The following PTPRD variants were observed in gnomAD, a reference collection of about 807,000 sequenced individuals.
PTPRD encodes the protein receptor-type tyrosine-protein phosphatase delta.
In PTPRD, 34 loss-of-function variants were observed where a neutral mutation model predicts 214.5. That is an observed-to-expected ratio of 0.16 (90% CI 0.12 to 0.21). The LOEUF (loss-of-function observed/expected upper bound fraction) is 0.21. Ranked by LOEUF, PTPRD falls within the 10% of genes least tolerant of loss-of-function variation. The pLI is 1.00. For synonymous variants in PTPRD, 1,128 were observed against 845.7 expected (o/e 1.33, Z -5.79); for missense variants, 2,545 against 2,398.7 (o/e 1.06, Z -1.27).
At chr9:8,908,772 T>G (rs1275516235) in intron 11 of PTPRD, among the ~76,000 whole-genome samples, 1 of 151,254 alleles carries the variant, frequency 6.6e-6, no homozygotes, top group African/African-American at 2.4e-5. Flanking sequence ...AATATAAAAA[T>G]AATAAAGAAA....
chr9:9,332,582 A>G (rs1434509904), intron 9 of PTPRD, among the ~76,000 whole-genome samples: 2 of 151,722 alleles, frequency 1.3e-5, no homozygotes, highest in Non-Finnish European at 2.9e-5. Context: ...GTAAGAAAAA[A>G]AAAAAAAAAC....
intron 8 of PTPRD, among the ~76,000 whole-genome samples, chr9:9,498,233 G>C (rs2096272443): frequency 1.3e-5 from 2 of 152,124 alleles, no homozygotes; most frequent in African/African-American, 2.4e-5. Flanking sequence ...CATTCTGCAA[G>C]AGAAGTGATT....
At chr9:8,454,265 G>C (rs10739165) in intron 33 of PTPRD, among the ~76,000 whole-genome samples, 1 of 151,984 alleles carries the variant, frequency 6.6e-6, no homozygotes, top group Non-Finnish European at 1.5e-5. Flanking sequence ...CACCTCACAT[G>C]TCTGCTCTGT....
intron 9 of PTPRD, among the ~76,000 whole-genome samples, chr9:9,184,784 T>A (rs370776116): frequency 6.6e-6 from 1 of 151,972 alleles, no homozygotes; most frequent in Non-Finnish European, 1.5e-5. Context: ...ATACTTACCA[T>A]CCCTCTCTCT....
At chr9:10,520,806 C>A (rs1392416858) in intron 2 of PTPRD, among the ~76,000 whole-genome samples, 1 of 151,888 alleles carries the variant, frequency 6.6e-6, no homozygotes, top group Non-Finnish European at 1.5e-5. Context: ...AACAACAAAG[C>A]CTAGATGACA....
chr9:8,398,902 T>G (rs2091830756), intron 36 of PTPRD, among the ~76,000 whole-genome samples: 1 of 152,154 alleles, frequency 6.6e-6, no homozygotes, highest in African/African-American at 2.4e-5. Context: ...ACAAATGGAC[T>G]AAGACATGGA....
At chr9:8,351,742 T>TAAAAAAAAA (rs71317359) in intron 39 of PTPRD, among the ~76,000 whole-genome samples, 3 of 68,514 alleles carry the variant, frequency 4.4e-5, no homozygotes, top group African/African-American at 1.5e-4. Context: ...TGGCAAAGAG[T>TAAAAAAAAA]AAAAAAAAAA....
rs1040917875 is a variant in PTPRD, at chr9:10,349,004, T to C, written c.-599-7987A>G. On this transcript the variant is annotated intron_variant, in intron 2 of 45. Coordinates refer to ENST00000381196, the MANE Select transcript of PTPRD (RefSeq NM_002839.4). ...ATTATCTTTGCAGGTACAGGGGACA[T>C]AGGACAGAACTCAGAGTCATCCCTC... Among the ~76,000 whole-genome samples, 13 of 152,074 alleles carry C rather than the reference T, an allele frequency of 8.5e-5. 1 individual carries two copies. Among genetic ancestry groups the C allele is most frequent in the South Asian group, 2.1e-4 (1 of 4,826 alleles).
At chr9:8,952,973 A>T (rs1446223346) in intron 11 of PTPRD, among the ~76,000 whole-genome samples, 1 of 151,982 alleles carries the variant, frequency 6.6e-6, no homozygotes, top group Non-Finnish European at 1.5e-5. Flanking sequence ...ACCTACTGCA[A>T]TAAAATGTTT....
intron 8 of PTPRD, among the ~76,000 whole-genome samples, chr9:9,528,469 G>C (rs985542456): frequency 6.6e-6 from 1 of 152,058 alleles, no homozygotes; most frequent in Non-Finnish European, 1.5e-5. Flanking sequence ...TAAAAAAAAA[G>C]ATTGATAACA....
At chr9:9,114,485 G>A (rs2099810284) in intron 10 of PTPRD, among the ~76,000 whole-genome samples, 1 of 152,230 alleles carries the variant, frequency 6.6e-6, no homozygotes, top group East Asian at 1.9e-4. Context: ...ATCTGAATAA[G>A]GGAGGGAGGT....
intron 7 of PTPRD, among the ~76,000 whole-genome samples, chr9:9,602,727 C>T (rs2093869476): frequency 6.6e-6 from 1 of 151,730 alleles, no homozygotes; most frequent in African/African-American, 2.4e-5. Context: ...CTATCTTATT[C>T]CCGTCTGGAT....
At position 8,324,301 on chromosome 9, in the gene PTPRD, C is replaced by T. The variant is rs962087120; in HGVS notation, c.5535-4335G>A. 2.0e-5 allele frequency among the ~76,000 whole-genome samples: 3 copies of T among 152,104 alleles called. No individual in the cohort carries two copies. The East Asian group carries it at 5.8e-4, about 29-fold the overall frequency. On this transcript the variant is annotated intron_variant, in intron 44 of 45. Coordinates refer to ENST00000381196, the MANE Select transcript of PTPRD (RefSeq NM_002839.4). ...GTGTGTGATGTTCGCTTCCCTGCGTCCACGTGTTCTCACTATTCCACTCCC... is the reference window on the plus strand; with the variant it reads ...GTGTGTGATGTTCGCTTCCCTGCGTTCACGTGTTCTCACTATTCCACTCCC...
rs376447550 is a variant in PTPRD at position 10,457,746 on chromosome 9, C to T, written c.-599-116729G>A. 2.2e-3 allele frequency among the ~76,000 whole-genome samples: 342 copies of T among 152,182 alleles called. 11 individuals are homozygous for T. In the South Asian group the frequency reaches 0.07, roughly 31 times the overall value. On this transcript the variant is annotated intron_variant, in intron 2 of 45. Coordinates refer to ENST00000381196, the MANE Select transcript of PTPRD (RefSeq NM_002839.4). ...ATTTCTGTTTATTACTACCAAAACA[C>T]ACTGTCAGTCAATAGAAATGTTGTT...
rs191979265 is a variant in PTPRD, at chr9:9,593,823, T to C, written c.-286-19042A>G. 1.1e-3 allele frequency among the ~76,000 whole-genome samples: 171 copies of C among 152,136 alleles called. 4 individuals are homozygous for C. The highest frequency in any genetic ancestry group is 0.01 in the Admixed American group (157 of 15,250). On this transcript the variant is annotated intron_variant, in intron 7 of 45. Coordinates refer to ENST00000381196, the MANE Select transcript of PTPRD (RefSeq NM_002839.4). ...CTTGTAATCTGAAGAAATCATCCCT[T>C]CTTCAACACAGCACCCCACCAACTA...
intron 37 of PTPRD, among the ~76,000 whole-genome samples, chr9:8,378,981 T>C (rs1261004930): frequency 1.3e-5 from 2 of 152,090 alleles, no homozygotes. Context: ...TGGCTTAGAC[T>C]CTGACCCCTT....
chr9:9,363,026 C>G (rs946093420), intron 9 of PTPRD, among the ~76,000 whole-genome samples: 3 of 150,864 alleles, frequency 2.0e-5, no homozygotes, highest in African/African-American at 7.3e-5. Flanking sequence ...TATTAATCTC[C>G]CAGTTTATTA....
intron 11 of PTPRD, among the ~76,000 whole-genome samples, chr9:8,982,586 C>T (rs1223234681): frequency 6.8e-6 from 1 of 147,104 alleles, no homozygotes; most frequent in Non-Finnish European, 1.5e-5. Context: ...AGGGAAAGGA[C>T]AGAAAAAAAA....
intron 2 of PTPRD, among the ~76,000 whole-genome samples, chr9:10,511,929 TAC>T (rs201925853): frequency 1.0e-5 from 1 of 99,474 alleles, no homozygotes; most frequent in Non-Finnish European, 2.3e-5. Context: ...TATATATATA[TAC>T]GTGTATATAT....
Sources: allele counts gnomAD v4.1 joint callset (sites outside exome capture counted in the v4.1 genomes callset), GRCh38; gene constraint gnomAD v4.1.1; transcripts MANE v1.5; gene names NCBI Gene and HGNC (gene_info 2026-07-23, HGNC 2026-07-21).